Variants in CHRM3 observed in about 807,000 individuals in gnomAD.
CHRM3 encodes the protein muscarinic acetylcholine receptor M3.
Under a neutral mutation model 41.8 loss-of-function variants are expected in CHRM3, and 11 were observed. The observed-to-expected ratio is 0.26, with a 90% confidence interval of 0.17 to 0.44. The LOEUF (loss-of-function observed/expected upper bound fraction) is 0.44. Among genes scored for constraint, CHRM3 ranks in the 20% least tolerant of loss-of-function variants. CHRM3 has a pLI of 1.00. For missense variants in CHRM3, 571 were observed against 745.4 expected (o/e 0.77, Z 2.72); for synonymous variants, 297 against 301.4 (o/e 0.99, Z 0.15).
At chr1:239,657,844 A>G (rs1466972893) in intron 4 of CHRM3, among the ~76,000 whole-genome samples, 1 of 152,058 alleles carries the variant, frequency 6.6e-6, no homozygotes, top group Non-Finnish European at 1.5e-5. Flanking sequence ...TGTGGGCTTC[A>G]TTTATCTCTT....
chr1:239,399,994 C>T (rs780866125), intron 1 of CHRM3, among the ~76,000 whole-genome samples: 1 of 152,114 alleles, frequency 6.6e-6, no homozygotes, highest in South Asian at 2.1e-4. Flanking sequence ...CTCACTGCAA[C>T]CTCGGTCTTC....
intron 2 of CHRM3, among the ~76,000 whole-genome samples, chr1:239,517,709 A>G (rs1332664015): frequency 6.6e-6 from 1 of 152,186 alleles, no homozygotes; most frequent in African/African-American, 2.4e-5. Context: ...CACTACTTTT[A>G]TCTTTAGAAA....
rs1257317972 is a variant in CHRM3 at position 239,532,258 on chromosome 1, A to G, written c.-421-13383A>G. The stretch of plus-strand genomic sequence containing the variant: ...AATCTCCTGACCTCATGATCCGCCC[A>G]CCTCGGCCTCCCAAAGTGCTGGGAT... On this transcript the variant is annotated intron_variant, in intron 2 of 6. Coordinates refer to ENST00000676153, the MANE Select transcript of CHRM3 (RefSeq NM_001375978.1). 2.5e-3 allele frequency among the ~76,000 whole-genome samples: 342 copies of G among 137,406 alleles called. 1 individual carries two copies. Among genetic ancestry groups the G allele is most frequent in the African/African-American group, 8.8e-3 (328 of 37,468 alleles). The allele number at this position is 137,406 out of a possible 152,430, so 90.1% of individuals were successfully genotyped here. A position where few individuals can be genotyped will look rare whatever the true frequency, so the allele number is the denominator to read the frequency against.
At chr1:239,676,944 G>A (rs1200061818) in intron 4 of CHRM3, among the ~76,000 whole-genome samples, 2 of 152,130 alleles carry the variant, frequency 1.3e-5, no homozygotes, top group African/African-American at 4.8e-5. Flanking sequence ...GTTGTTCTGA[G>A]CCCCCACTGG....
At chr1:239,791,949 T>C (rs1669388978) in intron 5 of CHRM3, among the ~76,000 whole-genome samples, 1 of 152,182 alleles carries the variant, frequency 6.6e-6, no homozygotes, top group Non-Finnish European at 1.5e-5. Flanking sequence ...TATTCAGTCT[T>C]ATCAATCCTG....
At chr1:239,552,221 TGTATAGATGATATGTATCA>T (rs1659900770) in intron 3 of CHRM3, among the ~76,000 whole-genome samples, 2 of 65,960 alleles carry the variant, frequency 3.0e-5, no homozygotes, top group African/African-American at 7.0e-5. Context: ...ATATTATATA[TGTATAGATGATATGTATCA>T]TATATATGTA....
At chr1:239,796,272 AATG>A (rs1463547677) in intron 5 of CHRM3, among the ~76,000 whole-genome samples, 1 of 152,186 alleles carries the variant, frequency 6.6e-6, no homozygotes. Flanking sequence ...AAAATAGAAT[AATG>A]ATGAAGTGTA....
chr1:239,676,493 A>G (rs1238071967), intron 4 of CHRM3, among the ~76,000 whole-genome samples: 5 of 152,250 alleles, frequency 3.3e-5, no homozygotes, highest in Non-Finnish European at 5.9e-5. Flanking sequence ...ATTTCTGCCC[A>G]GAGCCCACTC....
At chr1:239,567,876 G>A (rs1313263492) in intron 3 of CHRM3, among the ~76,000 whole-genome samples, 1 of 152,146 alleles carries the variant, frequency 6.6e-6, no homozygotes, top group East Asian at 1.9e-4. Flanking sequence ...CTTGTTTGGT[G>A]GCTTTCTCTG....
intron 4 of CHRM3, among the ~76,000 whole-genome samples, chr1:239,672,848 C>A (rs1270974277): frequency 2.6e-5 from 4 of 151,996 alleles, no homozygotes; most frequent in Non-Finnish European, 4.4e-5. Flanking sequence ...GAACTGTTAA[C>A]CCAGGAGGTG....
chr1:239,668,176 G>A (rs550022607), intron 4 of CHRM3, among the ~76,000 whole-genome samples: 76 of 130,468 alleles, frequency 5.8e-4, no homozygotes, highest in African/African-American at 2.0e-3. Flanking sequence ...TTGGCTGACT[G>A]CAACCTCTGC....
chr1:239,801,926 A>G (rs553839609), intron 5 of CHRM3, among the ~76,000 whole-genome samples: 1 of 152,294 alleles, frequency 6.6e-6, no homozygotes, highest in East Asian at 1.9e-4. Flanking sequence ...ATCCTGGGAC[A>G]AGGACAGACA....
At chr1:239,472,541 G>A (rs928527340) in intron 1 of CHRM3, among the ~76,000 whole-genome samples, 1 of 152,174 alleles carries the variant, frequency 6.6e-6, no homozygotes, top group Non-Finnish European at 1.5e-5. Flanking sequence ...TAAAGAGCAG[G>A]TAACAACTTG....
intron 5 of CHRM3, among the ~76,000 whole-genome samples, chr1:239,699,084 AGTTTTTTT>A (rs1277138890): frequency 1.3e-5 from 2 of 152,014 alleles, no homozygotes; most frequent in African/African-American, 2.4e-5. Flanking sequence ...TTCTTTGAAG[AGTTTTTTT>A]TTCTAAGTTT....
chr1:239,494,513 A>T (rs1667755841), intron 2 of CHRM3, among the ~76,000 whole-genome samples: 1 of 152,070 alleles, frequency 6.6e-6, no homozygotes, highest in South Asian at 2.1e-4. Context: ...TATAGTTCAG[A>T]CTTTTTTTTT....
chr1:239,598,396 G>T (rs1665069390), intron 3 of CHRM3, among the ~76,000 whole-genome samples: 1 of 152,136 alleles, frequency 6.6e-6, no homozygotes, highest in African/African-American at 2.4e-5. Flanking sequence ...TTGGTATAAT[G>T]AAAAGGCTGC....
At chr1:239,770,896 G>T (rs1667606841) in intron 5 of CHRM3, among the ~76,000 whole-genome samples, 1 of 151,992 alleles carries the variant, frequency 6.6e-6, no homozygotes, top group Admixed American at 6.6e-5. Context: ...AGACCAGCCT[G>T]ATCAAAAATG....
intron 3 of CHRM3, among the ~76,000 whole-genome samples, chr1:239,623,668 T>G (rs1668707601): frequency 1.5e-5 from 1 of 65,664 alleles, no homozygotes; most frequent in Non-Finnish European, 2.9e-5. Context: ...CCCACCACAG[T>G]CCCCAGAGTG....
At chr1:239,443,860 C>T (rs563557520) in intron 1 of CHRM3, among the ~76,000 whole-genome samples, 13 of 152,264 alleles carry the variant, frequency 8.5e-5, no homozygotes, top group African/African-American at 2.9e-4. Flanking sequence ...ATTGGAGAAA[C>T]AGTAGAAGAG....
Sources: gnomAD v4.1 joint callset for allele counts (sites outside exome capture counted in the v4.1 genomes callset) on GRCh38, gnomAD v4.1.1 for gene constraint, MANE v1.5 for transcripts, NCBI Gene and HGNC (gene_info 2026-07-23, HGNC 2026-07-21) for gene names.